MICU1: variants seen among roughly 807,000 people sequenced by gnomAD.
MICU1 encodes the protein mitochondrial calcium uptake 1, also known as calcium uptake protein 1, mitochondrial.
In MICU1, 45 loss-of-function variants were observed where a neutral mutation model predicts 56.8. That is an observed-to-expected ratio of 0.79 (90% CI 0.62 to 1.02). The LOEUF (loss-of-function observed/expected upper bound fraction) is 1.02. Among genes scored for constraint, MICU1 ranks in the 50% least tolerant of loss-of-function variants. The probability of loss-of-function intolerance (pLI) is 0.00; values close to 1 mark genes in which losing one functional copy is unlikely to be tolerated. For synonymous variants in MICU1, 186 were observed against 195.1 expected (o/e 0.95, Z 0.39); for missense variants, 504 against 587.1 (o/e 0.86, Z 1.46).
intron 8 of MICU1, among the ~76,000 whole-genome samples, chr10:72,466,716 T>C (rs150161649): frequency 6.6e-5 from 10 of 152,312 alleles, no homozygotes; most frequent in South Asian, 2.1e-4. Flanking sequence ...CCAACAAGTG[T>C]TGGATTGAAA....
At chr10:72,414,292 T>C (rs1863914671) in intron 9 of MICU1, among the ~76,000 whole-genome samples, 1 of 152,088 alleles carries the variant, frequency 6.6e-6, no homozygotes, top group African/African-American at 2.4e-5. Flanking sequence ...CAATAGAAAA[T>C]AATAAACTAT....
intron 9 of MICU1, among the ~76,000 whole-genome samples, chr10:72,421,416 A>G (rs1161802115): frequency 1.3e-5 from 2 of 152,076 alleles, no homozygotes; most frequent in African/African-American, 2.4e-5. Flanking sequence ...CTGAGATTAT[A>G]GGCGCCCACC....
chr10:72,539,471 G>C (rs1015128191), intron 4 of MICU1, among the ~76,000 whole-genome samples: 1 of 152,082 alleles, frequency 6.6e-6, no homozygotes, highest in East Asian at 1.9e-4. Context: ...TGGAAATCAA[G>C]CAATATGCTC....
At chr10:72,525,566 A>G (rs1189425462) in intron 5 of MICU1, among the ~76,000 whole-genome samples, 1 of 152,254 alleles carries the variant, frequency 6.6e-6, no homozygotes, top group Admixed American at 6.5e-5. Context: ...TTACAGAGAT[A>G]GCACAGGAGA....
At chr10:72,583,596 GC>G (rs796377308) in intron 1 of MICU1, among the ~76,000 whole-genome samples, 36 of 152,108 alleles carry the variant, frequency 2.4e-4, no homozygotes, top group African/African-American at 8.7e-4. Flanking sequence ...TTATCTTAGA[GC>G]CCTCTAACAT....
chr10:72,530,335 A>AAATAATAAT (rs372087915), intron 5 of MICU1, among the ~76,000 whole-genome samples: 766 of 64,924 alleles, frequency 0.012, 9 homozygotes, highest in African/African-American at 0.015. Context: ...CTCCATATCA[A>AAATAATAAT]AATAATAATA....
intron 11 of MICU1, among the ~76,000 whole-genome samples, chr10:72,374,391 G>T (rs973079299): frequency 3.3e-5 from 5 of 152,194 alleles, no homozygotes; most frequent in African/African-American, 7.2e-5. Context: ...CTCCTAAAGT[G>T]CTGGGATTAC....
At chr10:72,398,273 T>C (rs1273975539) in intron 10 of MICU1, among the ~76,000 whole-genome samples, 1 of 152,162 alleles carries the variant, frequency 6.6e-6, no homozygotes, top group African/African-American at 2.4e-5. Context: ...CCAGAATCTC[T>C]GGGACACATT....
At chr10:72,414,289 A>C (rs1160331747) in intron 9 of MICU1, among the ~76,000 whole-genome samples, 1 of 152,254 alleles carries the variant, frequency 6.6e-6, no homozygotes, top group Non-Finnish European at 1.5e-5. Flanking sequence ...CTGCAATAGA[A>C]AATAATAAAC....
chr10:72,447,202 T>A (rs919568128), intron 8 of MICU1, among the ~76,000 whole-genome samples: 1 of 152,184 alleles, frequency 6.6e-6, no homozygotes, highest in Non-Finnish European at 1.5e-5. Flanking sequence ...GAAGTTACTA[T>A]GTATGGGGCA....
At chr10:72,461,836 G>A (rs1466019593) in intron 8 of MICU1, among the ~76,000 whole-genome samples, 1 of 152,140 alleles carries the variant, frequency 6.6e-6, no homozygotes, top group South Asian at 2.1e-4. Flanking sequence ...CTGTAGTTCA[G>A]TTACTCGGGA....
At chr10:72,409,493 G>A (rs1473064273) in intron 9 of MICU1, among the ~76,000 whole-genome samples, 1 of 152,166 alleles carries the variant, frequency 6.6e-6, no homozygotes, top group African/African-American at 2.4e-5. Flanking sequence ...TCAGTGACCA[G>A]CCTAGGCAAC....
intron 5 of MICU1, among the ~76,000 whole-genome samples, chr10:72,528,100 A>G (rs1450156931): frequency 1.3e-5 from 2 of 152,248 alleles, no homozygotes; most frequent in Non-Finnish European, 2.9e-5. Context: ...TGCCGCGATT[A>G]CAGGCCTGAG....
intron 4 of MICU1, among the ~76,000 whole-genome samples, chr10:72,546,773 T>C (rs765991394): frequency 1.3e-5 from 2 of 152,284 alleles, no homozygotes; most frequent in Middle Eastern, 3.4e-3. Flanking sequence ...TTGCCCAGGC[T>C]GGAGTACAGT....
At chr10:72,533,724 A>G in intron 5 of MICU1, 22 bp downstream of exon 5, 5 of 1,559,364 alleles carry the variant, frequency 3.2e-6, no homozygotes, top group Non-Finnish European at 4.4e-6. Flanking sequence ...ATATATGTAT[A>G]GAAGTGTCAT....
intron 1 of MICU1, among the ~76,000 whole-genome samples, chr10:72,600,580 T>G (rs1255615723): frequency 1.6e-5 from 2 of 126,278 alleles, no homozygotes; most frequent in East Asian, 2.3e-4. Flanking sequence ...ACCCAGGAGG[T>G]GGAGGTTTCA....
intron 1 of MICU1, among the ~76,000 whole-genome samples, chr10:72,617,566 C>G (rs1450811291): frequency 6.6e-6 from 1 of 152,094 alleles, no homozygotes; most frequent in African/African-American, 2.4e-5. Context: ...CCTGTCTCTA[C>G]TAAAAATAAA....
chr10:72,491,575 G>A (rs1038304920), intron 6 of MICU1, among the ~76,000 whole-genome samples: 6 of 152,168 alleles, frequency 3.9e-5, no homozygotes, highest in Non-Finnish European at 1.5e-5. Context: ...TGGGTCAGGT[G>A]TGGTCGCTCA....
chr10:72,450,995 CG>C (rs1865279590), intron 8 of MICU1, among the ~76,000 whole-genome samples: 1 of 140,774 alleles, frequency 7.1e-6, no homozygotes, highest in African/African-American at 2.6e-5. Flanking sequence ...GGATTACAGG[CG>C]TGAGCTACTG....
Sources: allele counts gnomAD v4.1 joint callset (sites outside exome capture counted in the v4.1 genomes callset), GRCh38; gene constraint gnomAD v4.1.1; transcripts MANE v1.5; gene names NCBI Gene and HGNC (gene_info 2026-07-23, HGNC 2026-07-21).